TMEM156: variants seen among roughly 807,000 people sequenced by gnomAD.
The protein encoded by TMEM156 is transmembrane protein 156.
TMEM156 carries 28 observed loss-of-function variants against 30.5 expected under a neutral mutation model. That is an observed-to-expected ratio of 0.92 (90% CI 0.68 to 1.26). The LOEUF is 1.26. TMEM156 is among the 50% of genes most tolerant of loss of function. The pLI, the probability that TMEM156 is intolerant of heterozygous loss-of-function variation, is 0.00. For synonymous variants in TMEM156, 137 were observed against 119.9 expected, an observed-to-expected ratio of 1.14 and a Z score of -0.93; for missense variants, 351 against 340.6, an observed-to-expected ratio of 1.03 and a Z score of -0.24.
intron 1 of TMEM156, among the ~76,000 whole-genome samples, chr4:39,012,116 T>G (rs916355214): frequency 1.3e-5 from 2 of 152,272 alleles, no homozygotes; most frequent in East Asian, 3.9e-4. Flanking sequence ...AACCTCAGCA[T>G]CACATAATAT....
chr4:38,977,775 A>T (rs976833289), intron 5 of TMEM156, among the ~76,000 whole-genome samples: 4 of 152,184 alleles, frequency 2.6e-5, no homozygotes, highest in Non-Finnish European at 4.4e-5. Flanking sequence ...CCCAGTCTGA[A>T]TTTTGACCTG....
At chr4:38,971,448 T>TATTATTA (rs1722592061) in intron 5 of TMEM156, among the ~76,000 whole-genome samples, 1 of 152,216 alleles carries the variant, frequency 6.6e-6, no homozygotes, top group African/African-American at 2.4e-5. Flanking sequence ...CTGCAAACAT[T>TATTATTA]TTATTCTATC....
intron 1 of TMEM156, among the ~76,000 whole-genome samples, chr4:39,005,223 C>T (rs1306151784): frequency 5.3e-5 from 8 of 152,166 alleles, no homozygotes; most frequent in Admixed American, 2.0e-4. Flanking sequence ...TTGTAATGTA[C>T]GATTCGGCTT....
rs1459532047 is a variant in TMEM156 at position 38,966,809 on chromosome 4, T to TA, written c.*870_*871insT. Reference sequence around the variant, plus strand: ...TTTATTGGTATCTTTGATTTTTTTTTTTTTTTTTTTTTGAGACAGAGTCTT... The same window carrying TA: ...TTTATTGGTATCTTTGATTTTTTTTTATTTTTTTTTTTTGAGACAGAGTCTT... On this transcript the variant is annotated 3_prime_UTR_variant, in exon 7 of 7. Coordinates refer to ENST00000381938, the MANE Select transcript of TMEM156 (RefSeq NM_024943.3). The TA allele has an allele frequency of 4.8e-5, 7 of 145,672 alleles. No homozygotes were observed. The highest frequency in any genetic ancestry group is 1.9e-4 in the African/African-American group (7 of 37,180). 9.0% of individuals were successfully genotyped at this position (145,672 alleles called of 1,614,324 possible).
intron 1 of TMEM156, among the ~76,000 whole-genome samples, chr4:39,007,118 G>A (rs188335316): frequency 1.3e-3 from 194 of 152,162 alleles, no homozygotes; most frequent in African/African-American, 3.9e-3. Context: ...ACATATAAGC[G>A]TGTTTCCGGG....
intron 3 of TMEM156, among the ~76,000 whole-genome samples, chr4:38,990,841 T>TTGTTTTGTTTTGTTTTG (rs1463826829): frequency 2.3e-5 from 3 of 132,470 alleles, no homozygotes; most frequent in African/African-American, 8.4e-5. Flanking sequence ...TTTTTTTTTT[T>TTGTTTTGTTTTGTTTTG]TTTTTTTTTT....
intron 1 of TMEM156, among the ~76,000 whole-genome samples, chr4:39,001,905 C>T (rs144760702): frequency 0.18 from 22,586 of 123,256 alleles, 2,709 homozygotes; most frequent in East Asian, 0.35. Flanking sequence ...AAGATTTAAA[C>T]GTTAGACCTA....
intron 5 of TMEM156, among the ~76,000 whole-genome samples, chr4:38,982,064 C>T (rs868175906): frequency 2.0e-5 from 3 of 152,180 alleles, no homozygotes; most frequent in South Asian, 4.1e-4. Context: ...TTGGGAAAGG[C>T]AGACCTGCCC....
At chr4:39,014,888 G>C (rs747955462) in intron 1 of TMEM156, among the ~76,000 whole-genome samples, 105 of 151,528 alleles carry the variant, frequency 6.9e-4, no homozygotes, top group Admixed American at 1.6e-3. Context: ...ACATTTATCT[G>C]TTTGGTCTGT....
At chr4:39,007,163 C>T (rs939447218) in intron 1 of TMEM156, among the ~76,000 whole-genome samples, 2 of 152,112 alleles carry the variant, frequency 1.3e-5, no homozygotes, top group Non-Finnish European at 2.9e-5. Flanking sequence ...ATTTTTCCAT[C>T]TTTGCAAAGG....
At chr4:38,968,851 A>G (rs1290031784) in intron 6 of TMEM156, among the ~76,000 whole-genome samples, 1 of 151,664 alleles carries the variant, frequency 6.6e-6, no homozygotes, top group African/African-American at 2.4e-5. Context: ...TCTGCCCTCC[A>G]CTCGTTTCCA....
At chr4:38,996,287 A>C (rs949404511) in intron 2 of TMEM156, among the ~76,000 whole-genome samples, 2 of 150,820 alleles carry the variant, frequency 1.3e-5, no homozygotes, top group African/African-American at 4.9e-5. Context: ...GAACAGGTGC[A>C]GTGGCTCACA....
rs147467347 is a variant in TMEM156 at position 38,976,687 on chromosome 4, G to A, written c.824-5550C>T. Among the ~76,000 whole-genome samples, 220 of 152,250 alleles carry A rather than the reference G, an allele frequency of 1.4e-3. 1 individual carries two copies. The highest frequency in any genetic ancestry group is 5.1e-3 in the African/African-American group (211 of 41,552). ...TAAGTACAGTGACTGACAGACCCTT[G>A]GCCTGAAAATCAACAGAGGTAGTTA... On this transcript the variant is annotated intron_variant, in intron 5 of 6. Transcript: ENST00000381938.
At chr4:38,975,306 G>T (rs528052835) in intron 5 of TMEM156, among the ~76,000 whole-genome samples, 1 of 151,758 alleles carries the variant, frequency 6.6e-6, no homozygotes, top group Non-Finnish European at 1.5e-5. Context: ...CCACATCTAT[G>T]GGGCTATGTC....
intron 4 of TMEM156, among the ~76,000 whole-genome samples, chr4:38,987,965 T>C (rs1217600796): frequency 6.6e-6 from 1 of 152,132 alleles, no homozygotes; most frequent in Non-Finnish European, 1.5e-5. Context: ...ACTGGGGACA[T>C]GCCAGTAGAG....
chr4:38,977,395 G>C (rs1370591599), intron 5 of TMEM156, among the ~76,000 whole-genome samples: 3 of 152,144 alleles, frequency 2.0e-5, no homozygotes, highest in Non-Finnish European at 2.9e-5. Context: ...CAAAATGATG[G>C]CTAGTCTAAA....
intron 5 of TMEM156, among the ~76,000 whole-genome samples, chr4:38,977,451 A>G (rs926775477): frequency 5.9e-5 from 9 of 152,196 alleles, no homozygotes; most frequent in Non-Finnish European, 1.5e-5. Context: ...TCAGTATCCA[A>G]AGTCATGTAA....
rs113202148 is a variant in TMEM156, at chr4:39,029,587, G to A, written c.88+2639C>T. ...AAATTAGCCGGGCGTGGTAGCGGGCGCCTGTAGTCCCAGCTACTCGGGAGG... is the reference window on the plus strand; with the variant it reads ...AAATTAGCCGGGCGTGGTAGCGGGCACCTGTAGTCCCAGCTACTCGGGAGG... On this transcript the variant is annotated intron_variant, in intron 1 of 6. Coordinates refer to ENST00000381938, the MANE Select transcript of TMEM156 (RefSeq NM_024943.3). 6.6e-5 allele frequency among the ~76,000 whole-genome samples: 3 copies of A among 45,500 alleles called. 1 individual carries two copies. In the East Asian group the frequency reaches 2.0e-3, roughly 31 times the overall value. The allele number at this position is 45,500 out of a possible 152,430, so 29.8% of individuals were successfully genotyped here.
chr4:38,978,894 C>CGGACGGGA (rs1271403895), intron 5 of TMEM156, among the ~76,000 whole-genome samples: 1 of 152,090 alleles, frequency 6.6e-6, no homozygotes, highest in Non-Finnish European at 1.5e-5. Context: ...GGGATCCTCC[C>CGGACGGGA]ACCTGAGGCT....
Sources: allele counts gnomAD v4.1 joint callset (sites outside exome capture counted in the v4.1 genomes callset), GRCh38; gene constraint gnomAD v4.1.1; transcripts MANE v1.5; gene names NCBI Gene and HGNC (gene_info 2026-07-23, HGNC 2026-07-21).